RP1: variants seen among roughly 807,000 people sequenced by gnomAD.
RP1 encodes the protein oxygen-regulated protein 1.
Under a neutral mutation model 14.8 loss-of-function variants are expected in RP1, and 16 were observed. The ratio of observed to expected loss-of-function variants is 1.08; its 90% CI spans 0.73 to 1.65. RP1 has a LOEUF of 1.65. RP1 is among the 40% of genes most tolerant of loss of function. The probability of loss-of-function intolerance (pLI) is 0.00; values close to 1 mark genes in which losing one functional copy is unlikely to be tolerated. For missense variants in RP1, 2,631 were observed against 2,535.0 expected, an observed-to-expected ratio of 1.04 and a Z score of -0.81; for synonymous variants, 876 against 883.6, an observed-to-expected ratio of 0.99 and a Z score of 0.15.
intron 3 of RP1, among the ~76,000 whole-genome samples, chr8:54,646,707 T>C (rs1806557713): frequency 6.6e-6 from 1 of 152,194 alleles, no homozygotes; most frequent in Admixed American, 6.6e-5. Flanking sequence ...TCATATTTCA[T>C]TATTTTCATT....
chr8:54,643,083 T>G, intron 3 of RP1, among the ~76,000 whole-genome samples: 1 of 152,188 alleles, frequency 6.6e-6, no homozygotes, highest in East Asian at 1.9e-4. Context: ...TTTTATTGAT[T>G]GTATGAATTA....
chr8:54,697,228 A>G (rs1359845139), intron 12 of RP1: 4 of 642,092 alleles, frequency 6.2e-6, no homozygotes, highest in African/African-American at 1.8e-5. Flanking sequence ...TTCCTGCGTT[A>G]TCTTCAAAAA....
At chr8:54,869,927 G>T in exon 29 of RP1, 1 of 1,230,842 alleles carries the variant, frequency 8.1e-7, no homozygotes, top group Non-Finnish European at 1.0e-6. Flanking sequence ...GAGAGACTGG[G>T]TCTACCATCT....
At chr8:54,620,196 A>G (rs1805820716) in intron 1 of RP1, among the ~76,000 whole-genome samples, 1 of 152,230 alleles carries the variant, frequency 6.6e-6, no homozygotes, top group Non-Finnish European at 1.5e-5. Context: ...CCCAATTCAT[A>G]TAACTCAGTC....
chr8:54,582,517 T>C (rs1804820534), intron 1 of RP1, among the ~76,000 whole-genome samples: 2 of 151,702 alleles, frequency 1.3e-5, no homozygotes, highest in East Asian at 3.9e-4. Flanking sequence ...AACTTAAAAG[T>C]AGTTTTTTCC....
At chr8:54,679,662 T>C in intron 11 of RP1, 1 of 1,533,960 alleles carries the variant, frequency 6.5e-7, no homozygotes, top group Non-Finnish European at 8.7e-7. Context: ...TTATCTCATA[T>C]AAACAATGTT....
exon 22 of RP1, chr8:54,759,033 A>G: frequency 1.3e-6 from 2 of 1,535,744 alleles, no homozygotes; most frequent in Non-Finnish European, 8.7e-7. Context: ...AGTCATAGTC[A>G]GAGAGCCCGG....
At chr8:54,749,620 G>A (rs1809310302) in intron 19 of RP1, among the ~76,000 whole-genome samples, 1 of 152,296 alleles carries the variant, frequency 6.6e-6, no homozygotes. Context: ...AAGCCTTCAA[G>A]AGGAGTTGGG....
chr8:54,689,981 A>C (rs1433917193), intron 12 of RP1, among the ~76,000 whole-genome samples: 2 of 152,050 alleles, frequency 1.3e-5, no homozygotes, highest in Non-Finnish European at 2.9e-5. Flanking sequence ...TTTCAAGACA[A>C]ACTTCTAAAT....
intron 12 of RP1, among the ~76,000 whole-genome samples, chr8:54,688,344 T>C (rs1211828390): frequency 6.6e-6 from 1 of 152,212 alleles, no homozygotes; most frequent in Non-Finnish European, 1.5e-5. Flanking sequence ...ATTTTGGCTT[T>C]TGTTGCCATC....
At chr8:54,843,747 C>T (rs1372961663) in intron 25 of RP1, among the ~76,000 whole-genome samples, 2 of 152,192 alleles carry the variant, frequency 1.3e-5, no homozygotes, top group African/African-American at 4.8e-5. Flanking sequence ...TGTTCCCACC[C>T]TTGCTCCAGT....
exon 25 of RP1, chr8:54,837,463 A>T: frequency 8.1e-7 from 1 of 1,227,384 alleles, no homozygotes; most frequent in Non-Finnish European, 1.0e-6. Context: ...AATCTCAAAG[A>T]TATTGGTGAA....
At chr8:54,665,563 A>T (rs976689264) in intron 7 of RP1, among the ~76,000 whole-genome samples, 8 of 152,136 alleles carry the variant, frequency 5.3e-5, no homozygotes, top group African/African-American at 1.9e-4. Flanking sequence ...TCAGAGCTGG[A>T]GTTTATCTCT....
At chr8:54,687,024 G>T (rs1807579322) in intron 12 of RP1, among the ~76,000 whole-genome samples, 1 of 152,008 alleles carries the variant, frequency 6.6e-6, no homozygotes, top group Middle Eastern at 3.4e-3. Context: ...TTTGCTTTTT[G>T]TTTTTGGAGT....
chr8:54,869,733 C>A, intron 28 of RP1: 1 of 420,726 alleles, frequency 2.4e-6, no homozygotes. Context: ...ATTCTGATCT[C>A]TCTAAAGGCC....
intron 16 of RP1, among the ~76,000 whole-genome samples, chr8:54,723,556 A>G (rs951670575): frequency 6.6e-6 from 1 of 152,194 alleles, no homozygotes; most frequent in South Asian, 2.1e-4. Flanking sequence ...TTCGCAGTGT[A>G]TACATGAGAA....
At chr8:54,696,965 C>T (rs1807880962) in intron 12 of RP1, 3 of 1,270,810 alleles carry the variant, frequency 2.4e-6, no homozygotes, top group South Asian at 1.2e-5. Context: ...AGACCTCATT[C>T]ATGAAATTGC....
chr8:54,726,417 A>T (rs1808655149), exon 17 of RP1: 4 of 1,534,330 alleles, frequency 2.6e-6, no homozygotes, highest in Non-Finnish European at 3.5e-6. Flanking sequence ...GAGTCAAAAA[A>T]ACAGAAAAAA....
chr8:54,738,060 C>G (rs1808979862), intron 18 of RP1, among the ~76,000 whole-genome samples: 1 of 152,164 alleles, frequency 6.6e-6, no homozygotes, highest in African/African-American at 2.4e-5. Context: ...ATAAGTCTGT[C>G]TCCCTTGCTA....
Sources: gnomAD v4.1 joint callset for allele counts (sites outside exome capture counted in the v4.1 genomes callset) on GRCh38, gnomAD v4.1.1 for gene constraint, MANE v1.5 for transcripts, NCBI Gene and HGNC (gene_info 2026-07-23, HGNC 2026-07-21) for gene names.